Variants in DIS3L2 observed in about 807,000 individuals in gnomAD.
The protein encoded by DIS3L2 is DIS3 like 3'-5' exoribonuclease 2.
In DIS3L2, 34 loss-of-function variants were observed where a neutral mutation model predicts 97.5. The ratio of observed to expected loss-of-function variants is 0.35; its 90% confidence interval spans 0.27 to 0.46. The LOEUF (loss-of-function observed/expected upper bound fraction) is 0.46. Among genes scored for constraint, DIS3L2 ranks in the 20% least tolerant of loss-of-function variants. The probability of loss-of-function intolerance (pLI) is 1.00; values close to 1 mark genes in which losing one functional copy is unlikely to be tolerated. For missense variants in DIS3L2, 1,038 were observed against 1,146.0 expected, an observed-to-expected ratio of 0.91 and a Z score of 1.36; for synonymous variants, 435 against 445.2, an observed-to-expected ratio of 0.98 and a Z score of 0.29.
chr2:232,093,201 G>A (rs1317594230), intron 6 of DIS3L2, among the ~76,000 whole-genome samples: 1 of 151,996 alleles, frequency 6.6e-6, no homozygotes, highest in Admixed American at 6.6e-5. Context: ...TGATTGGTTT[G>A]CGTATGTTGA....
chr2:232,028,191 A>G (rs1157427267), intron 4 of DIS3L2, among the ~76,000 whole-genome samples: 2 of 151,674 alleles, frequency 1.3e-5, no homozygotes, highest in Admixed American at 1.3e-4. Flanking sequence ...TCCCAATTCC[A>G]TTATTTTTCT....
intron 1 of DIS3L2, among the ~76,000 whole-genome samples, chr2:231,968,653 A>C (rs1386657895): frequency 6.6e-6 from 1 of 152,228 alleles, no homozygotes; most frequent in African/African-American, 2.4e-5. Flanking sequence ...TTATTAACAA[A>C]TAAGGCTTCT....
At chr2:232,139,056 A>G (rs766917892) in intron 8 of DIS3L2, among the ~76,000 whole-genome samples, 1 of 152,216 alleles carries the variant, frequency 6.6e-6, no homozygotes, top group African/African-American at 2.4e-5. Context: ...GGATTTTTGC[A>G]TGTATATATC....
chr2:232,012,318 G>T (rs185962868), intron 1 of DIS3L2, among the ~76,000 whole-genome samples: 1 of 152,142 alleles, frequency 6.6e-6, no homozygotes, highest in African/African-American at 2.4e-5. Flanking sequence ...GACAAGTTAG[G>T]TGTTACTCAC....
chr2:231,972,585 C>A (rs1007999560), intron 1 of DIS3L2, among the ~76,000 whole-genome samples: 1 of 152,120 alleles, frequency 6.6e-6, no homozygotes, highest in Non-Finnish European at 1.5e-5. Flanking sequence ...GCTCTGTCAC[C>A]CAGGCTGGAG....
chr2:232,343,246 C>A, intron 13 of DIS3L2: 2 of 966,682 alleles, frequency 2.1e-6, no homozygotes, highest in Non-Finnish European at 3.1e-6. Flanking sequence ...AGCTATGGAG[C>A]TGACGCAGGC....
intron 8 of DIS3L2, among the ~76,000 whole-genome samples, chr2:232,143,429 A>G (rs1030106079): frequency 6.6e-6 from 1 of 152,176 alleles, no homozygotes; most frequent in Admixed American, 6.5e-5. Context: ...AGTGGTGATC[A>G]TTATAAATAA....
intron 13 of DIS3L2, among the ~76,000 whole-genome samples, chr2:232,296,248 C>G (rs1231933127): frequency 6.6e-6 from 1 of 152,228 alleles, no homozygotes; most frequent in Non-Finnish European, 1.5e-5. Context: ...TATCTCCAGA[C>G]CATCACCAAG....
chr2:232,194,058 C>G lies in DIS3L2; in HGVS notation c.1125-16268C>G, dbSNP rs939911845. The stretch of plus-strand genomic sequence containing the variant: ...CTGGGAAGCAGAGGTTGCAGTGAGC[C>G]GGGATCGTACCACTGAACTCCAGCC... On this transcript the variant is annotated intron_variant, in intron 9 of 20. Transcript: ENST00000325385. 1.3e-5 allele frequency among the ~76,000 whole-genome samples: 2 copies of G among 151,814 alleles called. 1 individual carries two copies. The highest frequency in any genetic ancestry group is 4.8e-5 in the African/African-American group (2 of 41,328).
At chr2:232,323,959 T>A (rs985907274) in intron 14 of DIS3L2, among the ~76,000 whole-genome samples, 7 of 152,118 alleles carry the variant, frequency 4.6e-5, no homozygotes, top group Admixed American at 2.0e-4. Flanking sequence ...GGAACAGAGC[T>A]GCCACCAAGA....
intron 6 of DIS3L2, among the ~76,000 whole-genome samples, chr2:232,089,231 A>G (rs944817803): frequency 2.6e-5 from 4 of 152,282 alleles, no homozygotes; most frequent in African/African-American, 9.6e-5. Context: ...CCAACTTTGA[A>G]ATTCTTCTTG....
At chr2:232,035,601 C>T (rs1694929667) in intron 5 of DIS3L2, among the ~76,000 whole-genome samples, 1 of 152,164 alleles carries the variant, frequency 6.6e-6, no homozygotes, top group Non-Finnish European at 1.5e-5. Context: ...TGTCAATGAT[C>T]TTTACATTTT....
intron 6 of DIS3L2, among the ~76,000 whole-genome samples, chr2:232,125,989 A>T (rs1205624189): frequency 6.6e-6 from 1 of 152,152 alleles, no homozygotes; most frequent in African/African-American, 2.4e-5. Flanking sequence ...ACTCTTTGGA[A>T]ATTGTAAATT....
Position 232,085,815 on chromosome 2 carries a change from A to T in DIS3L2, c.367-1672A>T, listed in dbSNP as rs555125907. On this transcript the variant is annotated intron_variant, in intron 5 of 20. Coordinates refer to ENST00000325385, the MANE Select transcript of DIS3L2 (RefSeq NM_152383.5). ...TTGGTTTTTTATTTTATTTTATTTT[A>T]TTTTTTTTAGAGCTAGAATATCCCT... Among the ~76,000 whole-genome samples the T allele has an allele frequency of 1.4e-3, 210 of 151,586 alleles. 1 individual carries two copies. Among genetic ancestry groups the T allele is most frequent in the African/African-American group, 3.5e-3 (144 of 41,338 alleles).
chr2:232,245,289 A>G (rs533458428), intron 11 of DIS3L2, among the ~76,000 whole-genome samples: 1 of 152,302 alleles, frequency 6.6e-6, no homozygotes, highest in Admixed American at 6.5e-5. Context: ...CTGTTGCGCC[A>G]TGGTCCAGGT....
At chr2:232,019,416 T>C (rs1408206163) in intron 3 of DIS3L2, among the ~76,000 whole-genome samples, 2 of 151,986 alleles carry the variant, frequency 1.3e-5, no homozygotes, top group African/African-American at 4.8e-5. Context: ...GGCATGGTGA[T>C]GTGCACCTGT....
At chr2:232,072,182 G>T (rs1696038101) in intron 5 of DIS3L2, among the ~76,000 whole-genome samples, 1 of 152,150 alleles carries the variant, frequency 6.6e-6, no homozygotes, top group South Asian at 2.1e-4. Context: ...GGCCTTCATG[G>T]AGTTTGTGTT....
intron 3 of DIS3L2, 83 bp downstream of exon 3, chr2:232,015,754 T>C: frequency 1.3e-6 from 2 of 1,505,982 alleles, no homozygotes; most frequent in Middle Eastern, 1.8e-4. Context: ...TTCTGTGCTA[T>C]ATGCTTTCAG....
rs565278678 is a variant in DIS3L2, at chr2:232,226,935, A to T, written c.1205-11598A>T. Among the ~76,000 whole-genome samples, 18 of 152,222 alleles carry T rather than the reference A, an allele frequency of 1.2e-4. 1 individual carries two copies. The highest frequency in any genetic ancestry group is 2.9e-5 in the Non-Finnish European group (2 of 68,008). ...CAGTGGGCCATGATCGTGCCACTGC[A>T]CTCCAACTTGGGTGACAGAGCAAGA... is the stretch of plus-strand genomic sequence containing the variant. On this transcript the variant is annotated intron_variant, in intron 10 of 20. Transcript: ENST00000325385.
Sources: allele counts gnomAD v4.1 joint callset (sites outside exome capture counted in the v4.1 genomes callset), GRCh38; gene constraint gnomAD v4.1.1; transcripts MANE v1.5; gene names NCBI Gene and HGNC (gene_info 2026-07-23, HGNC 2026-07-21).